The following ZNF536 variants were observed in gnomAD, a reference collection of about 807,000 sequenced individuals.
ZNF536 encodes the protein zinc finger protein 536.
A neutral mutation model predicts 84.5 loss-of-function variants in ZNF536; 13 were observed. The ratio of observed to expected loss-of-function variants is 0.15; its 90% CI spans 0.10 to 0.24. The LOEUF (loss-of-function observed/expected upper bound fraction) is 0.24, where lower values mean the gene tolerates loss of function less well. Among genes scored for constraint, ZNF536 ranks in the 10% least tolerant of loss-of-function variants. The pLI is 1.00. For missense variants in ZNF536, 1,536 were observed against 1,747.5 expected, an observed-to-expected ratio of 0.88 and a Z score of 2.16; for synonymous variants, 811 against 742.5, an observed-to-expected ratio of 1.09 and a Z score of -1.50.
At chr19:30,331,766 C>A (rs561498207) in intron 2 of ZNF536, among the ~76,000 whole-genome samples, 1 of 152,156 alleles carries the variant, frequency 6.6e-6, no homozygotes. Context: ...CTCCAAATCA[C>A]TGTTTGTGAT....
chr19:30,568,638 T>C (rs1277325115), intron 1 of ZNF536, among the ~76,000 whole-genome samples: 1 of 151,950 alleles, frequency 6.6e-6, no homozygotes, highest in African/African-American at 2.4e-5. Flanking sequence ...AAGGCAGACA[T>C]ACAGGGCAGG....
chr19:30,630,792 G>A (rs745595115), intron 1 of ZNF536, among the ~76,000 whole-genome samples: 13 of 152,194 alleles, frequency 8.5e-5, no homozygotes, highest in Non-Finnish European at 1.6e-4. Context: ...GGCCAGGCTG[G>A]TGCCACGGGG....
At chr19:30,580,127 G>A (rs1040538341) in intron 1 of ZNF536, among the ~76,000 whole-genome samples, 3 of 152,122 alleles carry the variant, frequency 2.0e-5, no homozygotes, top group Admixed American at 6.5e-5. Context: ...TTGCCCTCAG[G>A]GGATCCATGT....
At chr19:30,253,237 A>G (rs956353952) in intron 1 of ZNF536, among the ~76,000 whole-genome samples, 4 of 152,222 alleles carry the variant, frequency 2.6e-5, no homozygotes, top group Admixed American at 2.6e-4. Flanking sequence ...CAGAAGGAAA[A>G]ATTGATTTTA....
intron 2 of ZNF536, among the ~76,000 whole-genome samples, chr19:30,526,738 A>C (rs1257627641): frequency 6.6e-6 from 1 of 151,502 alleles, no homozygotes; most frequent in Non-Finnish European, 1.5e-5. Context: ...AAAAAAAAAA[A>C]AAAAAAAGAA....
chr19:30,535,996 G>A (rs1385378155), intron 3 of ZNF536, among the ~76,000 whole-genome samples: 3 of 152,062 alleles, frequency 2.0e-5, no homozygotes, highest in East Asian at 1.9e-4. Flanking sequence ...CCCTGACACC[G>A]AGGGAAGCCT....
chr19:30,664,204 TTCTCTCTCTCTCTCTCTC>T (rs71173915), intron 1 of ZNF536, among the ~76,000 whole-genome samples: 2,233 of 90,694 alleles, frequency 0.025, 52 homozygotes, highest in South Asian at 0.053. Flanking sequence ...TTGCTGAGTT[TTCTCTCTCTCTCTCTCTC>T]TCTCTCTCTC....
chr19:30,238,656 A>G (rs2023719342), intron 1 of ZNF536, among the ~76,000 whole-genome samples: 1 of 150,574 alleles, frequency 6.6e-6, no homozygotes, highest in Non-Finnish European at 1.5e-5. Flanking sequence ...CTTCCTTCCT[A>G]TCTGTCTCTC....
intron 3 of ZNF536, among the ~76,000 whole-genome samples, chr19:30,541,399 A>C (rs1040379365): frequency 1.0e-5 from 1 of 98,546 alleles, no homozygotes; most frequent in East Asian, 2.0e-4. Context: ...GTAATGATGA[A>C]AAAAAAAAAA....
intron 1 of ZNF536, among the ~76,000 whole-genome samples, chr19:30,696,227 C>T (rs946902654): frequency 2.0e-5 from 3 of 152,140 alleles, no homozygotes; most frequent in African/African-American, 4.8e-5. Context: ...CCCCAGCCCC[C>T]GCAATGTTGG....
intron 1 of ZNF536, among the ~76,000 whole-genome samples, chr19:30,694,910 G>T (rs1369335199): frequency 6.6e-6 from 1 of 152,180 alleles, no homozygotes; most frequent in East Asian, 1.9e-4. Context: ...AGGGCAGGGC[G>T]TGGTTCTTGG....
chr19:30,499,965 C>T (rs2054883760), intron 2 of ZNF536, among the ~76,000 whole-genome samples: 2 of 152,186 alleles, frequency 1.3e-5, no homozygotes, highest in Admixed American at 6.5e-5. Flanking sequence ...CACCCCACTC[C>T]CCCACCTACC....
chr19:30,617,498 C>G (rs929878218), intron 1 of ZNF536, among the ~76,000 whole-genome samples: 1 of 151,430 alleles, frequency 6.6e-6, no homozygotes, highest in Non-Finnish European at 1.5e-5. Flanking sequence ...CGACAGGCGC[C>G]TGCCACCACG....
chr19:30,680,913 T>C (rs28579209), intron 1 of ZNF536, among the ~76,000 whole-genome samples: 50,990 of 151,922 alleles, frequency 0.34, 8,705 homozygotes, highest in South Asian at 0.38. Flanking sequence ...CTCCAGCACC[T>C]GTTGTTTCCT....
intron 2 of ZNF536, among the ~76,000 whole-genome samples, chr19:30,339,461 G>C (rs1165191244): frequency 6.6e-6 from 1 of 152,212 alleles, no homozygotes. Flanking sequence ...GGAAAGGTGT[G>C]CAGGCAGCAG....
intron 1 of ZNF536, among the ~76,000 whole-genome samples, chr19:30,439,955 CTTTCTTTTTTTT>C (rs1264222542): frequency 6.7e-4 from 89 of 133,056 alleles, no homozygotes; most frequent in African/African-American, 2.3e-3. Context: ...CTTTTTCTTT[CTTTCTTTTTTTT>C]TTTTTTTTTT....
intron 1 of ZNF536, among the ~76,000 whole-genome samples, chr19:30,622,405 T>C (rs546466385): frequency 6.6e-6 from 1 of 152,374 alleles, no homozygotes; most frequent in Admixed American, 6.5e-5. Flanking sequence ...AGTGCCATCA[T>C]GTCCCCCCAG....
At chr19:30,295,142 C>T (rs2045957424) in intron 2 of ZNF536, among the ~76,000 whole-genome samples, 1 of 152,204 alleles carries the variant, frequency 6.6e-6, no homozygotes, top group Admixed American at 6.5e-5. Context: ...GCATACTTAA[C>T]AGGCTCCCAA....
chr19:30,522,160 G>A (rs1024774256), intron 2 of ZNF536, among the ~76,000 whole-genome samples: 7 of 147,752 alleles, frequency 4.7e-5, no homozygotes, highest in African/African-American at 1.7e-4. Flanking sequence ...TGTGGCCTGA[G>A]CCAGACCTGA....
Sources: gnomAD v4.1 joint callset for allele counts (sites outside exome capture counted in the v4.1 genomes callset) on GRCh38, gnomAD v4.1.1 for gene constraint, MANE v1.5 for transcripts, NCBI Gene and HGNC (gene_info 2026-07-23, HGNC 2026-07-21) for gene names.